The following ZNF776 variants were observed in gnomAD, a reference collection of about 807,000 sequenced individuals.
ZNF776 encodes zinc finger protein 776.
ZNF776 carries 4 observed loss-of-function variants against 7.0 expected under a neutral mutation model. That is an observed-to-expected ratio of 0.57 (90% CI 0.28 to 1.31). ZNF776 has a LOEUF of 1.31. Among genes scored for constraint, ZNF776 ranks in the 50% most tolerant of loss-of-function variants. The probability of loss-of-function intolerance (pLI) is 0.10; values close to 1 mark genes in which losing one functional copy is unlikely to be tolerated. For synonymous variants in ZNF776, 212 were observed against 213.7 expected, an observed-to-expected ratio of 0.99 and a Z score of 0.07; for missense variants, 555 against 625.9, an observed-to-expected ratio of 0.89 and a Z score of 1.21.
chr19:57,750,852 C>G lies in ZNF776; in HGVS notation c.101C>G (p.Ala34Gly). The G allele has an allele frequency of 6.2e-7, 1 of 1,613,338 alleles. No individual in the cohort carries two copies. The highest frequency in any genetic ancestry group is 1.1e-5 in the South Asian group (1 of 91,038). The change falls in exon 2 of 3, where the codon GCT (alanine) becomes GGT (glycine). Residue 34 changes from alanine (A) to glycine (G), a missense_variant. Transcript: ENST00000317178. ...GAGGAATGGAGTCTCCTTAGTGAGG[C>G]TCAGAGATGCCTTTATCATGACGTG... ...SQEEWSLLSE[A>G]QRCLYHDVML...
rs970063677 is a variant in ZNF776 at position 57,753,792 on chromosome 19, A to G, written c.662A>G (p.His221Arg). 1 of 1,613,678 alleles carries G rather than the reference A, an allele frequency of 6.2e-7. No individual in the cohort carries two copies. The highest frequency in any genetic ancestry group is 1.3e-5 in the African/African-American group (1 of 74,946). ...GESTIPFSNK[H>R]SLVLHQRLLP... ...TCCACAATACCGTTTAGCAACAAAC[A>G]CTCACTTGTCCTTCACCAGAGACTT... The change falls in exon 3 of 3, where the codon CAC becomes CGC. Residue 221 changes from histidine to arginine, a missense_variant. Coordinates refer to ENST00000317178, the MANE Select transcript of ZNF776 (RefSeq NM_173632.4).
chr19:57,753,583 T>A lies in ZNF776; in HGVS notation c.453T>A (p.Phe151Leu), dbSNP rs779016907. 3 of 1,614,126 alleles carry A rather than the reference T, an allele frequency of 1.9e-6. No individual in the cohort carries two copies. The highest frequency in any genetic ancestry group is 2.5e-6 in the Non-Finnish European group (3 of 1,180,050). Residue 151 changes from phenylalanine (F) to leucine (L), a missense_variant, in exon 3 of 3, where the codon TTT becomes TTA. Transcript: ENST00000317178. ...GAAGCAATGCCAAGGGAACATCTTT[T>A]GTAAAGAACTGTAAATTCCATATGT... ...SYRSNAKGTS[F>L]VKNCKFHMSH...
In ZNF776 at chr19:57,756,790, A is replaced by T; in HGVS notation, c.*2103A>T. 1 of 431,950 alleles carries T rather than the reference A, an allele frequency of 2.3e-6. No individual in the cohort carries two copies. Among genetic ancestry groups the T allele is most frequent in the Non-Finnish European group, 4.6e-6 (1 of 215,472 alleles). 26.8% of individuals were successfully genotyped at this position (431,950 alleles called of 1,614,324 possible). On this transcript the variant is annotated 3_prime_UTR_variant, in exon 3 of 3. Transcript: ENST00000317178. ...TCCTACAGTGCATTCATGTGTCCTG[A>T]AGTCCAGAATTCTGTAGGATAGTGT...
rs865965438 is a variant in ZNF776, at chr19:57,753,682, C to T, written c.552C>T (p.Asp184=). ...GCTTGAGATTACTCCAACAAGAGGA[C>T]ATTCACACTTCAGGGAAGTCAAACT... ...LSSLRLLQQE[D]IHTSGKSNFE... The change falls in exon 3 of 3, where the codon GAC becomes GAT. Residue 184 remains aspartate (D), a synonymous_variant. Coordinates refer to ENST00000317178, the MANE Select transcript of ZNF776 (RefSeq NM_173632.4). 1.9e-6 allele frequency: 3 copies of T among 1,614,186 alleles called. No individual in the cohort carries two copies. The highest frequency in any genetic ancestry group is 2.7e-5 in the African/African-American group (2 of 75,056).
At chr19:57,748,277 C>T (rs1986498601) in intron 1 of ZNF776, among the ~76,000 whole-genome samples, 1 of 152,176 alleles carries the variant, frequency 6.6e-6, no homozygotes, top group South Asian at 2.1e-4. Context: ...AGAGAGCAAT[C>T]AGGATCCCGA....
rs1392279668 is a variant in ZNF776 at position 57,757,447 on chromosome 19, C to T, written c.*2760C>T. The T allele has an allele frequency of 2.6e-5, 4 of 152,200 alleles. No homozygotes were observed. The highest frequency in any genetic ancestry group is 1.3e-4 in the Admixed American group (2 of 15,264). 9.4% of individuals were successfully genotyped at this position (152,200 alleles called of 1,614,324 possible). ...AAATCTCTTAGTCCAGTGATGTGGCCTTTGCAACCAGCCAGCATTCCAATT... is the reference window on the plus strand; with the variant it reads ...AAATCTCTTAGTCCAGTGATGTGGCTTTTGCAACCAGCCAGCATTCCAATT... On this transcript the variant is annotated 3_prime_UTR_variant, in exon 3 of 3. Coordinates refer to ENST00000317178, the MANE Select transcript of ZNF776 (RefSeq NM_173632.4).
At position 57,756,109 on chromosome 19, in the gene ZNF776, A is replaced by G. The variant is rs905812498; in HGVS notation, c.*1422A>G. 8 of 152,204 alleles carry G rather than the reference A, an allele frequency of 5.3e-5. No homozygotes were observed. The highest frequency in any genetic ancestry group is 1.0e-4 in the Non-Finnish European group (7 of 68,038). The allele number at this position is 152,204 out of a possible 1,614,324, so 9.4% of individuals were successfully genotyped here. Reference sequence around the variant, plus strand: ...TCATAATGTTTTAAGAAAGTTTACAAATTTGTGTTGGGCTGCATTCAAAGC... The same window carrying G: ...TCATAATGTTTTAAGAAAGTTTACAGATTTGTGTTGGGCTGCATTCAAAGC... On this transcript the variant is annotated 3_prime_UTR_variant, in exon 3 of 3. Coordinates refer to ENST00000317178, the MANE Select transcript of ZNF776 (RefSeq NM_173632.4).
In ZNF776 at chr19:57,752,816, A is replaced by G. The variant is rs1385693580; in HGVS notation, c.161-475A>G. Reference sequence around the variant, plus strand: ...TCCAATACTGGCATATCAATTTTGTATTAGGAAGTGTGTACACATTGCTAA... The same window carrying G: ...TCCAATACTGGCATATCAATTTTGTGTTAGGAAGTGTGTACACATTGCTAA... On this transcript the variant is annotated intron_variant, in intron 2 of 2. Transcript: ENST00000317178. Among the ~76,000 whole-genome samples the G allele has an allele frequency of 2.0e-5, 3 of 152,180 alleles. No individual in the cohort carries two copies. In the East Asian group the frequency reaches 5.8e-4, roughly 29 times the overall value.
rs1287310466 is a variant in ZNF776 at position 57,753,913 on chromosome 19, A to G, written c.783A>G (p.Lys261=). Residue 261 remains lysine (K), a synonymous_variant, in exon 3 of 3, where the codon AAA becomes AAG. Transcript: ENST00000317178. ...ATCATCAGGGAGTTCGCACTGGAAA[A>G]AGACCTTATCAGTGTGGACAATGTG... is the stretch of plus-strand genomic sequence containing the variant. ...FNNHQGVRTG[K]RPYQCGQCDE... is the part of the protein sequence containing the mutation. 1.2e-6 allele frequency: 2 copies of G among 1,614,266 alleles called. No homozygotes were observed. The highest frequency in any genetic ancestry group is 1.7e-6 in the Non-Finnish European group (2 of 1,180,050).
rs1243018349 is a variant in ZNF776 at position 57,754,697 on chromosome 19, A to C, written c.*10A>C. The C allele has an allele frequency of 6.2e-7, 1 of 1,603,152 alleles. No homozygotes were observed. Among genetic ancestry groups the C allele is most frequent in the African/African-American group, 1.3e-5 (1 of 74,662 alleles). On this transcript the variant is annotated 3_prime_UTR_variant, in exon 3 of 3. Coordinates refer to ENST00000317178, the MANE Select transcript of ZNF776 (RefSeq NM_173632.4). ...ACATCATGAATGTTGAAAATTTGGC[A>C]GATCTGTTGGTAAAAAGAGCACCCT...
At chr19:57,752,160 G>A (rs1404550527) in intron 2 of ZNF776, among the ~76,000 whole-genome samples, 6 of 152,154 alleles carry the variant, frequency 3.9e-5, no homozygotes, top group South Asian at 2.1e-4. Flanking sequence ...GTGAGCCACC[G>A]TGCCCGGCCT....
rs1986676109 is a variant in ZNF776, at chr19:57,753,647, T to A, written c.517T>A (p.Phe173Ile). Residue 173 changes from phenylalanine to isoleucine, a missense_variant, in exon 3 of 3, where the codon TTT becomes ATT. By Grantham distance (21) the Phe-to-Ile change is conservative (BLOSUM62 0). Coordinates refer to ENST00000317178, the MANE Select transcript of ZNF776 (RefSeq NM_173632.4). ...PFIFHEVGKD[F>I]LSSLRLLQQE... ...TATCTTTCATGAGGTTGGGAAAGAC[T>A]TTTTGTCCAGCTTGAGATTACTCCA... The A allele has an allele frequency of 6.2e-7, 1 of 1,614,092 alleles. No homozygotes were observed. Among genetic ancestry groups the A allele is most frequent in the Non-Finnish European group, 8.5e-7 (1 of 1,180,008 alleles).
rs1986800047 is a variant in ZNF776, at chr19:57,757,089, G to A, written c.*2402G>A. ...GGCCTCAAGTAATCCTCTAGCATAC[G>A]CCCTTGAAAGCACTAGGATTACAGG... is the stretch of plus-strand genomic sequence containing the variant. On this transcript the variant is annotated 3_prime_UTR_variant, in exon 3 of 3. Coordinates refer to ENST00000317178, the MANE Select transcript of ZNF776 (RefSeq NM_173632.4). The A allele has an allele frequency of 8.7e-6, 2 of 229,328 alleles. No homozygotes were observed. Among genetic ancestry groups the A allele is most frequent in the South Asian group, 4.7e-5 (1 of 21,308 alleles). 14.2% of individuals were successfully genotyped at this position (229,328 alleles called of 1,614,324 possible).
rs1390119293 is a variant in ZNF776 at position 57,755,477 on chromosome 19, G to C, written c.*790G>C. The C allele has an allele frequency of 6.6e-6, 1 of 152,240 alleles. No individual in the cohort carries two copies. Among genetic ancestry groups the C allele is most frequent in the Admixed American group, 6.5e-5 (1 of 15,284 alleles). The allele number at this position is 152,240 out of a possible 1,614,324, so 9.4% of individuals were successfully genotyped here. ...CTAAATGTCTAACATATTATGCACA[G>C]ACAAGCTCCTGCTGTGGAAGTGCCT... is the stretch of plus-strand genomic sequence containing the variant. On this transcript the variant is annotated 3_prime_UTR_variant, in exon 3 of 3. Transcript: ENST00000317178.
intron 1 of ZNF776, among the ~76,000 whole-genome samples, chr19:57,750,240 A>C (rs1184131167): frequency 6.6e-6 from 1 of 151,566 alleles, no homozygotes; most frequent in African/African-American, 2.4e-5. Context: ...CCTGGGCAAC[A>C]TAGTGAAACC....
chr19:57,746,923 ACTGC>A lies in ZNF776; in HGVS notation c.-135_-132del. 2.4e-6 allele frequency: 2 copies of A among 825,140 alleles called. No homozygotes were observed. The highest frequency in any genetic ancestry group is 3.7e-6 in the Non-Finnish European group (2 of 539,456). The allele number at this position is 825,140 out of a possible 1,614,324, so 51.1% of individuals were successfully genotyped here. A position where few individuals can be genotyped will look rare whatever the true frequency, so the allele number is the denominator to read the frequency against. Reference sequence around the variant, plus strand: ...AAGGTGGAGACGAGACGTTGTCCCGACTGCACAGAGGCTGCTCTGCAGCTCCTTA... The same window carrying A: ...AAGGTGGAGACGAGACGTTGTCCCGAACAGAGGCTGCTCTGCAGCTCCTTA... On this transcript the variant is annotated 5_prime_UTR_variant, in exon 1 of 3. Transcript: ENST00000317178.
chr19:57,754,888 T>C lies in ZNF776; in HGVS notation c.*201T>C. 1.7e-6 allele frequency: 1 copy of C among 603,072 alleles called. No individual in the cohort carries two copies. Among genetic ancestry groups the C allele is most frequent in the South Asian group, 2.1e-5 (1 of 47,582 alleles). 37.4% of individuals were successfully genotyped at this position (603,072 alleles called of 1,614,324 possible). ...AAATCCTGTACATAGAAGTTTTGCC[T>C]CACCAAATACCAGAAGGGTCACACT... is the stretch of plus-strand genomic sequence containing the variant. On this transcript the variant is annotated 3_prime_UTR_variant, in exon 3 of 3. Coordinates refer to ENST00000317178, the MANE Select transcript of ZNF776 (RefSeq NM_173632.4).
In ZNF776 at chr19:57,753,412, G is replaced by A; in HGVS notation, c.282G>A (p.Met94Ile). The A allele has an allele frequency of 6.2e-7, 1 of 1,614,214 alleles. No homozygotes were observed. ...VCTKKVHLWG[M>I]CGPLLGDILH... ...CCAAGAAGGTCCACCTCTGGGGAAT[G>A]TGTGGCCCTCTCCTGGGAGATATCT... is the stretch of plus-strand genomic sequence containing the variant. The change falls in exon 3 of 3, where the codon ATG becomes ATA. Residue 94 changes from methionine (M) to isoleucine (I), a missense_variant. Met to Ile is a conservative substitution (Grantham distance 10). Transcript: ENST00000317178.
Position 57,753,907 on chromosome 19 carries a change from T to A in ZNF776, c.777T>A (p.Thr259=). The change falls in exon 3 of 3, where the codon ACT becomes ACA. Residue 259 remains threonine, a synonymous_variant. Transcript: ENST00000317178. ...NSFNNHQGVR[T]GKRPYQCGQC... ...TTAATAATCATCAGGGAGTTCGCAC[T>A]GGAAAAAGACCTTATCAGTGTGGAC... 6.2e-7 allele frequency: 1 copy of A among 1,614,240 alleles called. No individual in the cohort carries two copies.
Sources: allele counts gnomAD v4.1 joint callset (sites outside exome capture counted in the v4.1 genomes callset), GRCh38; gene constraint gnomAD v4.1.1; transcripts MANE v1.5; gene names NCBI Gene and HGNC (gene_info 2026-07-23, HGNC 2026-07-21).